Variants in WASF1 observed in about 807,000 individuals in gnomAD.
The protein encoded by WASF1 is actin-binding protein WASF1.
Under a neutral mutation model 50.5 loss-of-function variants are expected in WASF1, and 7 were observed. The ratio of observed to expected loss-of-function variants is 0.14; its 90% CI spans 0.08 to 0.26. The LOEUF (loss-of-function observed/expected upper bound fraction) is 0.26. Among genes scored for constraint, WASF1 ranks in the 10% least tolerant of loss-of-function variants. The probability of loss-of-function intolerance (pLI) is 1.00; values close to 1 mark genes in which losing one functional copy is unlikely to be tolerated. For synonymous variants in WASF1, 205 were observed against 244.0 expected, an observed-to-expected ratio of 0.84 and a Z score of 1.49; for missense variants, 470 against 694.7, an observed-to-expected ratio of 0.68 and a Z score of 3.64.
At chr6:110,147,391 A>T (rs944250676) in intron 3 of WASF1, among the ~76,000 whole-genome samples, 3 of 152,118 alleles carry the variant, frequency 2.0e-5, no homozygotes, top group Admixed American at 6.5e-5. Context: ...ACAATAGCAA[A>T]GCATTAAATT....
chr6:110,146,891 C>A (rs1326016018), intron 3 of WASF1, among the ~76,000 whole-genome samples: 4 of 151,894 alleles, frequency 2.6e-5, no homozygotes, highest in African/African-American at 9.7e-5. Context: ...AAAGGAGATT[C>A]ATAGGAAAAT....
chr6:110,149,502 A>G (rs1187079358), intron 3 of WASF1, among the ~76,000 whole-genome samples: 1 of 146,768 alleles, frequency 6.8e-6, no homozygotes, highest in South Asian at 2.1e-4. Context: ...AAAAAAAAAA[A>G]GGAAAGAAAG....
chr6:110,165,133 C>T (rs1023678420), intron 2 of WASF1, among the ~76,000 whole-genome samples: 4 of 151,452 alleles, frequency 2.6e-5, no homozygotes, highest in African/African-American at 4.8e-5. Flanking sequence ...ACACATTTCT[C>T]GTATCAAAAC....
intron 4 of WASF1, among the ~76,000 whole-genome samples, chr6:110,125,128 GTTATT>G (rs946892297): frequency 1.3e-5 from 2 of 152,036 alleles, no homozygotes; most frequent in African/African-American, 4.8e-5. Context: ...TACATCAATT[GTTATT>G]TTAACTATTT....
chr6:110,132,408 C>T (rs1254735101), intron 3 of WASF1, among the ~76,000 whole-genome samples: 1 of 151,484 alleles, frequency 6.6e-6, no homozygotes, highest in African/African-American at 2.4e-5. Context: ...AGGATGATGG[C>T]AAACATCCTT....
intron 10 of WASF1, 44 bp downstream of exon 10, chr6:110,101,544 C>A: frequency 6.5e-7 from 1 of 1,533,360 alleles, no homozygotes; most frequent in Non-Finnish European, 8.8e-7. Flanking sequence ...AGAAAGTTTC[C>A]AATGCTACTA....
chr6:110,109,933 ACATGGGAC>A (rs1337992805), intron 5 of WASF1, among the ~76,000 whole-genome samples: 8 of 152,104 alleles, frequency 5.3e-5, no homozygotes, highest in Non-Finnish European at 4.4e-5. Context: ...CTCAACATGA[ACATGGGAC>A]CAATGGCACA....
chr6:110,118,394 C>T (rs1437039550), intron 4 of WASF1, among the ~76,000 whole-genome samples: 1 of 125,738 alleles, frequency 8.0e-6, no homozygotes, highest in Non-Finnish European at 1.6e-5. Context: ...GTTTGCAATC[C>T]TAGTCTCTGA....
intron 3 of WASF1, among the ~76,000 whole-genome samples, chr6:110,142,858 A>G (rs72934083): frequency 0.037 from 5,538 of 151,266 alleles, 178 homozygotes; most frequent in Non-Finnish European, 0.052. Context: ...GGGCTAAATT[A>G]TACGGTGCTA....
intron 3 of WASF1, among the ~76,000 whole-genome samples, chr6:110,149,855 C>T (rs1317032749): frequency 6.6e-6 from 1 of 151,976 alleles, no homozygotes; most frequent in Non-Finnish European, 1.5e-5. Flanking sequence ...TCCCTCAGCC[C>T]CCTCCCACCC....
At chr6:110,177,626 C>T (rs535352867) in intron 2 of WASF1, among the ~76,000 whole-genome samples, 79 of 152,178 alleles carry the variant, frequency 5.2e-4, no homozygotes, top group African/African-American at 1.8e-3. Context: ...AACCAAGGCA[C>T]AAAGGTGTCC....
intron 3 of WASF1, among the ~76,000 whole-genome samples, chr6:110,151,968 T>C (rs1256893658): frequency 1.3e-5 from 2 of 152,174 alleles, no homozygotes; most frequent in African/African-American, 2.4e-5. Context: ...ATAAACTTTA[T>C]TGAGGTATAA....
At chr6:110,127,381 T>C (rs942921398) in intron 4 of WASF1, 88 bp downstream of exon 4, 4 of 1,194,264 alleles carry the variant, frequency 3.3e-6, no homozygotes, top group Non-Finnish European at 4.4e-6. Context: ...CAAATCATAC[T>C]CCCAAATTAA....
At chr6:110,130,248 T>C (rs1371753325) in intron 3 of WASF1, among the ~76,000 whole-genome samples, 1 of 152,178 alleles carries the variant, frequency 6.6e-6, no homozygotes, top group Non-Finnish European at 1.5e-5. Context: ...ACCTCAAAAA[T>C]TTAACCAAAC....
At position 110,127,544 on chromosome 6, in the gene WASF1, T is replaced by C; in HGVS notation, c.58A>G (p.Arg20Gly). Residue 20 changes from arginine to glycine, a missense_variant, in exon 4 of 11, where the codon AGA becomes GGA. This residue lies in a region of WASF1 where 140 missense variants were observed against 260.5 expected (regional missense o/e 0.54). Transcript: ENST00000392589. ...PRHLCHTALPRGIKNELECVT... is the reference protein window; with the variant it reads ...PRHLCHTALPGGIKNELECVT... The stretch of plus-strand genomic sequence containing the variant: ...CATTCCAGTTCATTCTTAATGCCTC[T>C]AGGCAGTGCTGTGTGGCACAAGTGC... The C allele has an allele frequency of 6.2e-7, 1 of 1,601,488 alleles. No individual in the cohort carries two copies. Among genetic ancestry groups the C allele is most frequent in the Non-Finnish European group, 8.5e-7 (1 of 1,174,658 alleles).
At chr6:110,136,848 C>T (rs1774990989) in intron 3 of WASF1, among the ~76,000 whole-genome samples, 1 of 152,206 alleles carries the variant, frequency 6.6e-6, no homozygotes, top group Non-Finnish European at 1.5e-5. Context: ...CCTACTCCTA[C>T]TTGTTCTTCA....
chr6:110,178,655 G>C lies in WASF1; in HGVS notation c.-184C>G, dbSNP rs987855054. The stretch of plus-strand genomic sequence containing the variant: ...TTATAGGGCAGGACGTGAATGTTGA[G>C]ATCGGATGTGCTTTCTTTCATCGTT... On this transcript the variant is annotated 5_prime_UTR_variant, in exon 2 of 11. In the 5' UTR this introduces an upstream ATG that the reference lacks. Coordinates refer to ENST00000392589, the MANE Select transcript of WASF1 (RefSeq NM_003931.3). The C allele has an allele frequency of 6.5e-6, 1 of 152,680 alleles. No individual in the cohort carries two copies. The highest frequency in any genetic ancestry group is 1.9e-4 in the East Asian group (1 of 5,200). The allele number at this position is 152,680 out of a possible 1,614,324, so 9.5% of individuals were successfully genotyped here. A position where few individuals can be genotyped will look rare whatever the true frequency, so the allele number is the denominator to read the frequency against.
intron 3 of WASF1, among the ~76,000 whole-genome samples, chr6:110,149,501 AAGG>A (rs1775730218): frequency 1.3e-5 from 2 of 148,664 alleles, no homozygotes; most frequent in Non-Finnish European, 1.5e-5. Flanking sequence ...AAAAAAAAAA[AAGG>A]AAAGAAAGAA....
chr6:110,133,502 A>T (rs1462582138), intron 3 of WASF1, among the ~76,000 whole-genome samples: 1 of 152,176 alleles, frequency 6.6e-6, no homozygotes, highest in East Asian at 1.9e-4. Context: ...TTACATTCCC[A>T]CTAGCAGTGT....
Sources: allele counts gnomAD v4.1 joint callset (sites outside exome capture counted in the v4.1 genomes callset), GRCh38; gene constraint gnomAD v4.1.1; regional missense constraint gnomAD v4.1.1; transcripts MANE v1.5; gene names NCBI Gene and HGNC (gene_info 2026-07-23, HGNC 2026-07-21).